Variants in MTUS2 observed in about 807,000 individuals in gnomAD.
MTUS2 encodes microtubule-associated tumor suppressor candidate 2.
Under a neutral mutation model 114.1 loss-of-function variants are expected in MTUS2, and 40 were observed. That is an observed-to-expected ratio of 0.35 (90% CI 0.27 to 0.46). MTUS2 has a LOEUF of 0.46. Among genes scored for constraint, MTUS2 ranks in the 20% least tolerant of loss-of-function variants. The pLI, the probability that MTUS2 is intolerant of heterozygous loss-of-function variation, is 1.00. For synonymous variants in MTUS2, 688 were observed against 672.0 expected (o/e 1.02, Z -0.37); for missense variants, 1,679 against 1,705.4 (o/e 0.98, Z 0.27).
chr13:28,844,766 G>A (rs955764299), intron 2 of MTUS2, among the ~76,000 whole-genome samples: 7 of 152,008 alleles, frequency 4.6e-5, no homozygotes, highest in East Asian at 3.9e-4. Flanking sequence ...ACAGGCGCAC[G>A]CCACCACACC....
chr13:29,232,308 AC>A (rs1896360988), intron 5 of MTUS2, among the ~76,000 whole-genome samples: 1 of 141,110 alleles, frequency 7.1e-6, no homozygotes, highest in African/African-American at 3.0e-5. Context: ...GCGCGCGCGC[AC>A]ACACACACAC....
chr13:29,084,067 G>A (rs1445668475), intron 4 of MTUS2, among the ~76,000 whole-genome samples: 1 of 151,914 alleles, frequency 6.6e-6, no homozygotes, highest in Non-Finnish European at 1.5e-5. Context: ...AATTATAGGG[G>A]GTAATTTGTT....
chr13:28,981,680 A>C (rs769332994), intron 2 of MTUS2, among the ~76,000 whole-genome samples: 8 of 152,184 alleles, frequency 5.3e-5, no homozygotes, highest in Non-Finnish European at 1.0e-4. Flanking sequence ...CAAGGGCAGC[A>C]TGAGCTGAGT....
chr13:28,874,534 C>T (rs975041928), intron 2 of MTUS2, among the ~76,000 whole-genome samples: 1 of 152,120 alleles, frequency 6.6e-6, no homozygotes, highest in African/African-American at 2.4e-5. Flanking sequence ...GAATGGCTCA[C>T]TTATATGGCT....
At chr13:29,355,727 T>G (rs915829551) in intron 7 of MTUS2, among the ~76,000 whole-genome samples, 2 of 152,234 alleles carry the variant, frequency 1.3e-5, no homozygotes, top group Non-Finnish European at 2.9e-5. Flanking sequence ...ATCAGCTTTG[T>G]GTGTAGGTCA....
chr13:28,992,187 G>A (rs924172320), intron 2 of MTUS2, among the ~76,000 whole-genome samples: 2 of 152,212 alleles, frequency 1.3e-5, no homozygotes, highest in African/African-American at 4.8e-5. Flanking sequence ...ACCAAAACCA[G>A]GAAGGGAAGT....
At chr13:29,014,456 G>A (rs1885981410) in intron 2 of MTUS2, among the ~76,000 whole-genome samples, 2 of 152,218 alleles carry the variant, frequency 1.3e-5, no homozygotes, top group Non-Finnish European at 2.9e-5. Flanking sequence ...AGTGCATGGA[G>A]TACTAGCCTG....
chr13:28,852,003 C>T (rs765136421), intron 2 of MTUS2, among the ~76,000 whole-genome samples: 28 of 152,266 alleles, frequency 1.8e-4, no homozygotes, highest in Non-Finnish European at 2.6e-4. Context: ...GGACTTGAAC[C>T]CCACATCTAT....
rs184875193 is a variant in MTUS2 at position 29,333,834 on chromosome 13, A to C, written c.2905+9123A>C. Among the ~76,000 whole-genome samples, 703 of 152,184 alleles carry C rather than the reference A, an allele frequency of 4.6e-3. 6 individuals are homozygous for C. The highest frequency in any genetic ancestry group is 0.016 in the African/African-American group (658 of 41,512). ...TTTTTGGGAGTCTAAGTCTTTTTGTAGGTCTCTAAGAACTTATTTTATGAA... is the reference window on the plus strand; with the variant it reads ...TTTTTGGGAGTCTAAGTCTTTTTGTCGGTCTCTAAGAACTTATTTTATGAA... On this transcript the variant is annotated intron_variant, in intron 7 of 15. Coordinates refer to ENST00000612955, the MANE Select transcript of MTUS2 (RefSeq NM_001033602.4).
rs376039244 is a variant in MTUS2 at position 28,906,641 on chromosome 13, G to C, written c.-243+66791G>C. Among the ~76,000 whole-genome samples, 32 of 151,510 alleles carry C rather than the reference G, an allele frequency of 2.1e-4. 2 individuals are homozygous for C. In the South Asian group the frequency reaches 2.3e-3, roughly 11 times the overall value. ...GAGACAGTTTGTTATAATTTCTGTT[G>C]TTTTACATTTGCTGAGGAGTGCTTT... On this transcript the variant is annotated intron_variant, in intron 2 of 15. Coordinates refer to ENST00000612955, the MANE Select transcript of MTUS2 (RefSeq NM_001033602.4).
intron 4 of MTUS2, among the ~76,000 whole-genome samples, chr13:29,080,129 C>T (rs192522978): frequency 7.0e-4 from 106 of 151,964 alleles, no homozygotes; most frequent in Middle Eastern, 6.8e-3. Context: ...AAATTTATAC[C>T]TGTTGTAGCT....
At chr13:29,245,976 C>T (rs992070005) in intron 5 of MTUS2, among the ~76,000 whole-genome samples, 2 of 152,162 alleles carry the variant, frequency 1.3e-5, no homozygotes, top group East Asian at 1.9e-4. Flanking sequence ...GGATTACAGG[C>T]GTGAGCCACC....
chr13:28,960,415 A>G (rs562065082), intron 2 of MTUS2, among the ~76,000 whole-genome samples: 7 of 152,364 alleles, frequency 4.6e-5, no homozygotes, highest in South Asian at 2.1e-4. Flanking sequence ...ACATGCACAC[A>G]AAAATTTGTA....
At chr13:29,088,507 T>C (rs1480379783) in intron 4 of MTUS2, among the ~76,000 whole-genome samples, 1 of 152,194 alleles carries the variant, frequency 6.6e-6, no homozygotes, top group Non-Finnish European at 1.5e-5. Context: ...GTTCAAGTGT[T>C]GAGTATAGGT....
intron 8 of MTUS2, among the ~76,000 whole-genome samples, chr13:29,365,823 A>C (rs572492777): frequency 4.2e-4 from 64 of 152,266 alleles, no homozygotes; most frequent in African/African-American, 1.4e-3. Context: ...TCTTCACTTA[A>C]ATGTCACTGG....
At chr13:29,119,409 T>G (rs1258482043) in intron 5 of MTUS2, among the ~76,000 whole-genome samples, 1 of 152,218 alleles carries the variant, frequency 6.6e-6, no homozygotes, top group Non-Finnish European at 1.5e-5. Flanking sequence ...AGATCTATTA[T>G]TAGGAATTTT....
intron 5 of MTUS2, among the ~76,000 whole-genome samples, chr13:29,220,938 G>A (rs893004841): frequency 6.6e-6 from 1 of 152,224 alleles, no homozygotes; most frequent in Admixed American, 6.5e-5. Context: ...TTCTGGTGAA[G>A]TATATATTAC....
At chr13:29,251,605 C>G (rs1193854707) in intron 5 of MTUS2, among the ~76,000 whole-genome samples, 3 of 152,144 alleles carry the variant, frequency 2.0e-5, no homozygotes, top group African/African-American at 4.8e-5. Flanking sequence ...CTGGCAACCG[C>G]CATTCTACTT....
intron 8 of MTUS2, among the ~76,000 whole-genome samples, chr13:29,375,529 ATATATATACGTGT>A (rs1566162985): frequency 7.7e-4 from 5 of 6,504 alleles, no homozygotes; most frequent in Admixed American, 2.9e-3. Flanking sequence ...ATATATATAT[ATATATATACGTGT>A]ATATATATAT....
Sources: gnomAD v4.1 joint callset for allele counts (sites outside exome capture counted in the v4.1 genomes callset) on GRCh38, gnomAD v4.1.1 for gene constraint, MANE v1.5 for transcripts, NCBI Gene and HGNC (gene_info 2026-07-23, HGNC 2026-07-21) for gene names.